Variants in WASHC4 observed in about 807,000 individuals in gnomAD.
WASHC4 encodes the protein WASH complex subunit 4.
A neutral mutation model predicts 166.6 loss-of-function variants in WASHC4; 86 were observed. That is an observed-to-expected ratio of 0.52 (90% CI 0.43 to 0.62). WASHC4 has a LOEUF of 0.62. Ranked by LOEUF, WASHC4 falls within the 20% of genes least tolerant of loss-of-function variation. The pLI is 0.00. For synonymous variants in WASHC4, 446 were observed against 451.6 expected, an observed-to-expected ratio of 0.99 and a Z score of 0.16; for missense variants, 1,262 against 1,382.4, an observed-to-expected ratio of 0.91 and a Z score of 1.38.
chr12:105,139,377 A>G (rs971508771), intron 15 of WASHC4, among the ~76,000 whole-genome samples: 11 of 145,724 alleles, frequency 7.5e-5, no homozygotes, highest in Non-Finnish European at 1.5e-4. Context: ...CACCTTTTCA[A>G]GATGATGTCA....
At chr12:105,160,848 T>C (rs1884452216) in intron 29 of WASHC4, among the ~76,000 whole-genome samples, 1 of 152,220 alleles carries the variant, frequency 6.6e-6, no homozygotes, top group African/African-American at 2.4e-5. Flanking sequence ...TCAAGATAAC[T>C]TCTTTCTATT....
Position 105,118,461 on chromosome 12 carries a change from G to A in WASHC4, c.451G>A (p.Val151Ile). Reference sequence around the variant, plus strand: ...CTCGTTTCAGGAACTGTCTTGCTTTGTTACGAGGTGCTATGAAGTGGTGAT... The same window carrying A: ...CTCGTTTCAGGAACTGTCTTGCTTTATTACGAGGTGCTATGAAGTGGTGAT... ...ISFLQELSCF[V>I]TRCYEVVMNV... The change falls in exon 7 of 33, where the codon GTT becomes ATT. Residue 151 changes from valine (V) to isoleucine (I), a missense_variant. Val to Ile is a conservative substitution (Grantham distance 29). Coordinates refer to ENST00000332180, the MANE Select transcript of WASHC4 (RefSeq NM_015275.3). 1.2e-6 allele frequency: 2 copies of A among 1,613,086 alleles called. No homozygotes were observed. Among genetic ancestry groups the A allele is most frequent in the South Asian group, 2.2e-5 (2 of 91,060 alleles).
intron 13 of WASHC4, among the ~76,000 whole-genome samples, chr12:105,127,825 T>A (rs1881429545): frequency 6.6e-6 from 1 of 152,240 alleles, no homozygotes; most frequent in East Asian, 1.9e-4. Flanking sequence ...TCTTTGTTTC[T>A]TCTTTTTTTT....
intron 20 of WASHC4, 152 bp from the exon 21 acceptor site, chr12:105,144,135 C>G: frequency 1.6e-6 from 1 of 626,050 alleles, no homozygotes; most frequent in South Asian, 2.0e-5. Context: ...GAGTATTAAC[C>G]TTAAGGTATT....
chr12:105,152,441 C>T lies in WASHC4; in HGVS notation c.2748C>T (p.Ile916=). 1 of 1,556,284 alleles carries T rather than the reference C, an allele frequency of 6.4e-7. No homozygotes were observed. The highest frequency in any genetic ancestry group is 8.9e-7 in the Non-Finnish European group (1 of 1,127,446). The change falls in exon 26 of 33, where the codon ATC becomes ATT. Residue 916 remains isoleucine, a synonymous_variant. Transcript: ENST00000332180. ...ACCTTGATCAATTCAGGCAACTCAT[C>T]AGCCAGATTGGTAAGTTATGATAAA... ...QSYLDQFRQL[I]SQIGNAMGYV...
intron 25 of WASHC4, 68 bp downstream of exon 25, chr12:105,149,817 AATTC>A: frequency 2.1e-6 from 3 of 1,440,198 alleles, no homozygotes; most frequent in Non-Finnish European, 2.8e-6. Context: ...TGTATGCTAA[AATTC>A]ATTATTTAGA....
chr12:105,156,673 T>C, intron 26 of WASHC4, 53 bp from the exon 27 acceptor site: 1 of 1,390,988 alleles, frequency 7.2e-7, no homozygotes, highest in South Asian at 1.2e-5. Context: ...ATATTCCTAT[T>C]AGAATTTAGA....
chr12:105,120,705 C>CGTGT (rs71986370), intron 8 of WASHC4, 108 bp downstream of exon 8: 156 of 698,510 alleles, frequency 2.2e-4, no homozygotes, highest in African/African-American at 3.5e-4. Context: ...CTTAAAGAGG[C>CGTGT]GTGTGTGTGT....
rs190055556 is a variant in WASHC4 at position 105,118,042 on chromosome 12, T to C, written c.436-404T>C. On this transcript the variant is annotated intron_variant, in intron 6 of 32. Transcript: ENST00000332180. The stretch of plus-strand genomic sequence containing the variant: ...TAGTTGTACTTTCTATACTGGCAGC[T>C]TTTGAGCTCCTTCACTCACTCAGAT... 2.6e-4 allele frequency among the ~76,000 whole-genome samples: 39 copies of C among 152,328 alleles called. No individual in the cohort carries two copies. The East Asian group carries it at 6.6e-3, about 26-fold the overall frequency.
At chr12:105,165,705 G>A (rs996053321) in intron 32 of WASHC4, among the ~76,000 whole-genome samples, 1 of 151,830 alleles carries the variant, frequency 6.6e-6, no homozygotes, top group Admixed American at 6.6e-5. Context: ...GACCACTTAC[G>A]TGAACTACCT....
At chr12:105,140,754 A>G in intron 16 of WASHC4, 145 bp from the exon 17 acceptor site, 1 of 783,074 alleles carries the variant, frequency 1.3e-6, no homozygotes, top group Non-Finnish European at 2.1e-6. Context: ...ACAGAAGTAA[A>G]GTATAAATGT....
chr12:105,123,041 G>A (rs772060479), intron 10 of WASHC4, among the ~76,000 whole-genome samples: 1 of 152,158 alleles, frequency 6.6e-6, no homozygotes, highest in Non-Finnish European at 1.5e-5. Flanking sequence ...AGGGCCGGGC[G>A]CGGTGGCTCA....
chr12:105,122,846 C>T (rs1305775460), intron 10 of WASHC4, among the ~76,000 whole-genome samples: 6 of 152,278 alleles, frequency 3.9e-5, no homozygotes. Flanking sequence ...AACTGGCTAG[C>T]TCTTGTCCTT....
At chr12:105,150,290 G>A (rs540892737) in intron 25 of WASHC4, among the ~76,000 whole-genome samples, 1 of 151,978 alleles carries the variant, frequency 6.6e-6, no homozygotes, top group Non-Finnish European at 1.5e-5. Context: ...CATTATTTAG[G>A]TTTTTCTAAT....
intron 10 of WASHC4, among the ~76,000 whole-genome samples, chr12:105,123,866 G>T (rs542645938): frequency 1.3e-4 from 20 of 152,202 alleles, no homozygotes; most frequent in African/African-American, 4.3e-4. Flanking sequence ...GTGCCCATTT[G>T]CCATTCTGAA....
chr12:105,131,662 T>C (rs1336285020), intron 13 of WASHC4, among the ~76,000 whole-genome samples: 1 of 152,172 alleles, frequency 6.6e-6, no homozygotes, highest in East Asian at 1.9e-4. Flanking sequence ...TGAGTCTTGA[T>C]CACAACCTCC....
At position 105,164,705 on chromosome 12, in the gene WASHC4, C is replaced by T. The variant is rs199807811; in HGVS notation, c.3419C>T (p.Ala1140Val). 4.5e-5 allele frequency: 72 copies of T among 1,612,668 alleles called. No individual in the cohort carries two copies. Among genetic ancestry groups the T allele is most frequent in the Non-Finnish European group, 5.7e-5 (67 of 1,179,242 alleles). Reference sequence around the variant, plus strand: ...ATTTTCTTCAGAGCAGACAAGACTGCGGCTGAAGAAAACCAAGAAAAGAAA... The same window carrying T: ...ATTTTCTTCAGAGCAGACAAGACTGTGGCTGAAGAAAACCAAGAAAAGAAA... ...ARIFFRADKT[A>V]AEENQEKKEK... The change falls in exon 32 of 33, where the codon GCG becomes GTG. Residue 1140 changes from alanine (A) to valine (V), a missense_variant. Ala to Val is a moderately conservative substitution (Grantham distance 64). Coordinates refer to ENST00000332180, the MANE Select transcript of WASHC4 (RefSeq NM_015275.3).
At chr12:105,149,843 G>T (rs1883595029) in intron 25 of WASHC4, 94 bp downstream of exon 25, 1 of 1,208,896 alleles carries the variant, frequency 8.3e-7, no homozygotes, top group African/African-American at 1.5e-5. Context: ...CTCTATTGGG[G>T]TTTTAGTTTT....
intron 5 of WASHC4, 63 bp downstream of exon 5, chr12:105,115,292 A>G: frequency 2.0e-6 from 2 of 999,284 alleles, no homozygotes; most frequent in Admixed American, 3.4e-5. Flanking sequence ...AAGTTAACAG[A>G]CAATTTTAGG....
Sources: gnomAD v4.1 joint callset for allele counts (sites outside exome capture counted in the v4.1 genomes callset) on GRCh38, gnomAD v4.1.1 for gene constraint, MANE v1.5 for transcripts, NCBI Gene and HGNC (gene_info 2026-07-23, HGNC 2026-07-21) for gene names.